Variants in FAR2 observed in about 807,000 individuals in gnomAD.
FAR2 encodes the protein epididymis secretory protein Li 81.
Under a neutral mutation model 56.0 loss-of-function variants are expected in FAR2, and 19 were observed. That is an observed-to-expected ratio of 0.34 (90% CI 0.24 to 0.50). The LOEUF (loss-of-function observed/expected upper bound fraction) is 0.50. Ranked by LOEUF, FAR2 falls within the 20% of genes least tolerant of loss-of-function variation. The pLI is 0.98. For missense variants in FAR2, 508 were observed against 642.2 expected (o/e 0.79, Z 2.26); for synonymous variants, 219 against 218.8 (o/e 1.00, Z -0.01).
At chr12:29,311,242 C>A in intron 7 of FAR2, 96 bp downstream of exon 7, 1 of 804,426 alleles carries the variant, frequency 1.2e-6, no homozygotes, top group Non-Finnish European at 2.1e-6. Flanking sequence ...TTGTACAAGA[C>A]CCCAAATGTG....
At chr12:29,272,992 G>C (rs1197399222) in intron 2 of FAR2, among the ~76,000 whole-genome samples, 1 of 152,180 alleles carries the variant, frequency 6.6e-6, no homozygotes, top group Non-Finnish European at 1.5e-5. Context: ...AGAGGCTGGA[G>C]AGCAGCAAAG....
At chr12:29,210,161 A>C (rs1298287363) in intron 1 of FAR2, among the ~76,000 whole-genome samples, 5 of 152,204 alleles carry the variant, frequency 3.3e-5, no homozygotes. Context: ...AGCTAGGATC[A>C]TGCCACTGCA....
At position 29,293,316 on chromosome 12, in the gene FAR2, A is replaced by G. The variant is rs1348703872; in HGVS notation, c.206A>G (p.Lys69Arg). Residue 69 changes from lysine (K) to arginine (R), a missense_variant, in exon 3 of 12, where the codon AAA becomes AGA. By Grantham distance (26) the Lys-to-Arg change is conservative (BLOSUM62 2). Coordinates refer to ENST00000536681, the MANE Select transcript of FAR2 (RefSeq NM_001271783.2). ...ILDSKLFEKVKEVCPNVHEKI... is the reference protein window; with the variant it reads ...ILDSKLFEKVREVCPNVHEKI... The stretch of plus-strand genomic sequence containing the variant: ...ATGTTTCAGCTATTTGAGAAAGTCA[A>G]AGAAGTTTGTCCAAATGTGCATGAG... 2 of 1,581,810 alleles carry G rather than the reference A, an allele frequency of 1.3e-6. No homozygotes were observed. The highest frequency in any genetic ancestry group is 1.7e-6 in the Non-Finnish European group (2 of 1,167,338).
At chr12:29,224,904 A>G (rs1455208245) in intron 1 of FAR2, among the ~76,000 whole-genome samples, 2 of 152,210 alleles carry the variant, frequency 1.3e-5, no homozygotes, top group South Asian at 2.1e-4. Context: ...AGGCAAAGGC[A>G]TATAAAAATA....
intron 2 of FAR2, among the ~76,000 whole-genome samples, chr12:29,279,285 G>T (rs1373947773): frequency 6.6e-6 from 1 of 152,174 alleles, no homozygotes; most frequent in Non-Finnish European, 1.5e-5. Context: ...TTCTTCAGTT[G>T]TCATAAATTT....
At chr12:29,150,047 C>A (rs1949669932) in intron 1 of FAR2, among the ~76,000 whole-genome samples, 6 of 152,188 alleles carry the variant, frequency 3.9e-5, no homozygotes, top group Admixed American at 3.9e-4. Flanking sequence ...GCGGGCTTTG[C>A]CCCTGTAGGA....
At chr12:29,292,467 A>C (rs997822363) in intron 2 of FAR2, 1 of 152,256 alleles carries the variant, frequency 6.6e-6, no homozygotes, top group Non-Finnish European at 1.5e-5. Flanking sequence ...TTTGTTGTAC[A>C]ATTAACATTA....
chr12:29,327,471 A>G (rs564023510), intron 10 of FAR2, among the ~76,000 whole-genome samples: 9 of 152,234 alleles, frequency 5.9e-5, no homozygotes, highest in African/African-American at 1.9e-4. Flanking sequence ...AAAGAACAAA[A>G]CTGGAGGCAT....
chr12:29,331,152 G>C, intron 10 of FAR2, among the ~76,000 whole-genome samples: 1 of 150,664 alleles, frequency 6.6e-6, no homozygotes, highest in Non-Finnish European at 1.5e-5. Flanking sequence ...AGTTAAGTAA[G>C]TTAAGAGTAA....
At chr12:29,158,425 T>G (rs1273187032) in intron 1 of FAR2, among the ~76,000 whole-genome samples, 1 of 152,232 alleles carries the variant, frequency 6.6e-6, no homozygotes, top group African/African-American at 2.4e-5. Flanking sequence ...AAGAATTAAT[T>G]TCCTTCATCC....
intron 1 of FAR2, among the ~76,000 whole-genome samples, chr12:29,266,663 C>T (rs1281639766): frequency 6.6e-6 from 1 of 151,874 alleles, no homozygotes; most frequent in East Asian, 1.9e-4. Context: ...TTGTTTGTAA[C>T]ACAAAGAATG....
rs149958052 is a variant in FAR2 at position 29,332,914 on chromosome 12, T to C, written c.1385+187T>C. ...CTTCACCACACCTCTATGAGGCAAG[T>C]ATTACTTTTGTTACCCCATTTTTAT... On this transcript the variant is annotated intron_variant, in intron 11 of 11. Coordinates refer to ENST00000536681, the MANE Select transcript of FAR2 (RefSeq NM_001271783.2). 1.6e-4 allele frequency: 112 copies of C among 681,544 alleles called. 1 individual carries two copies. The East Asian group carries it at 3.0e-3, about 18-fold the overall frequency. 42.2% of individuals were successfully genotyped at this position (681,544 alleles called of 1,614,324 possible).
chr12:29,240,655 G>A lies in FAR2; in HGVS notation c.-38-29757G>A, dbSNP rs1009572244. Among the ~76,000 whole-genome samples the A allele has an allele frequency of 6.6e-5, 10 of 152,174 alleles. No homozygotes were observed. The South Asian group carries it at 8.3e-4, about 13-fold the overall frequency. Reference sequence around the variant, plus strand: ...CCTCTCTGGAATGTAGTCAGGCAGCGTTTAGTAACTATATCCAGAGATGAA... The same window carrying A: ...CCTCTCTGGAATGTAGTCAGGCAGCATTTAGTAACTATATCCAGAGATGAA... On this transcript the variant is annotated intron_variant, in intron 1 of 11. Coordinates refer to ENST00000536681, the MANE Select transcript of FAR2 (RefSeq NM_001271783.2).
rs370381799 is a variant in FAR2, at chr12:29,332,618, C to G, written c.1276C>G (p.Arg426Gly). ...CTCTCAGGTATTCAACTTTGACGTG[C>G]GCCAGTTGAACTGGTTGGAATACAT... ...EDQRVFNFDV[R>G]QLNWLEYIEN... Residue 426 changes from arginine (R) to glycine (G), a missense_variant, in exon 11 of 12, where the codon CGC (arginine) becomes GGC (glycine). By Grantham distance (125) the Arg-to-Gly change is moderately radical (BLOSUM62 -2). Coordinates refer to ENST00000536681, the MANE Select transcript of FAR2 (RefSeq NM_001271783.2). 6.2e-7 allele frequency: 1 copy of G among 1,613,554 alleles called. No individual in the cohort carries two copies. The highest frequency in any genetic ancestry group is 8.5e-7 in the Non-Finnish European group (1 of 1,179,668).
intron 1 of FAR2, among the ~76,000 whole-genome samples, chr12:29,212,965 A>T (rs1051327217): frequency 3.9e-5 from 6 of 152,156 alleles, no homozygotes; most frequent in African/African-American, 1.4e-4. Flanking sequence ...TTTCCTTTGT[A>T]GTGTCATTCA....
At chr12:29,183,546 C>T (rs527468609) in intron 1 of FAR2, among the ~76,000 whole-genome samples, 14 of 152,262 alleles carry the variant, frequency 9.2e-5, no homozygotes, top group African/African-American at 2.6e-4. Flanking sequence ...TGACAACATT[C>T]TCTCCTTCAC....
chr12:29,226,766 T>C (rs940699383), intron 1 of FAR2, among the ~76,000 whole-genome samples: 19 of 152,204 alleles, frequency 1.2e-4, no homozygotes, highest in African/African-American at 4.3e-4. Context: ...CCTCTAACCA[T>C]GCTTTTTTGT....
At chr12:29,214,496 C>T (rs1002822929) in intron 1 of FAR2, among the ~76,000 whole-genome samples, 10 of 152,050 alleles carry the variant, frequency 6.6e-5, no homozygotes, top group African/African-American at 2.4e-4. Flanking sequence ...AGAACATGAA[C>T]CTAGAACACA....
chr12:29,319,793 A>G (rs1306283841), intron 9 of FAR2, among the ~76,000 whole-genome samples: 1 of 152,220 alleles, frequency 6.6e-6, no homozygotes, highest in Non-Finnish European at 1.5e-5. Flanking sequence ...TATATAGTTT[A>G]ATATGAGTGC....
Sources: allele counts gnomAD v4.1 joint callset (sites outside exome capture counted in the v4.1 genomes callset), GRCh38; gene constraint gnomAD v4.1.1; transcripts MANE v1.5; gene names NCBI Gene and HGNC (gene_info 2026-07-23, HGNC 2026-07-21).